WIF1: variants seen among roughly 807,000 people sequenced by gnomAD.
WIF1 encodes Wnt inhibitory factor 1.
Under a neutral mutation model 53.5 loss-of-function variants are expected in WIF1, and 35 were observed. The ratio of observed to expected loss-of-function variants is 0.65; its 90% CI spans 0.50 to 0.87. The LOEUF is 0.87. WIF1 is among the 40% of genes least tolerant of loss of function. The pLI is 0.00. For synonymous variants in WIF1, 171 were observed against 170.4 expected, an observed-to-expected ratio of 1.00 and a Z score of -0.03; for missense variants, 467 against 476.8, an observed-to-expected ratio of 0.98 and a Z score of 0.19.
intron 2 of WIF1, among the ~76,000 whole-genome samples, chr12:65,089,864 CT>C (rs1883097500): frequency 1.3e-5 from 2 of 152,134 alleles, no homozygotes; most frequent in Admixed American, 1.3e-4. Context: ...TCTCTTCCCC[CT>C]GGCCCCTACC....
intron 3 of WIF1, among the ~76,000 whole-genome samples, chr12:65,069,862 A>G (rs1389143866): frequency 1.3e-5 from 2 of 152,188 alleles, no homozygotes; most frequent in African/African-American, 4.8e-5. Context: ...ATGGGTTATT[A>G]TAACATATCC....
chr12:65,119,284 A>G (rs1446165617), intron 2 of WIF1, among the ~76,000 whole-genome samples: 3 of 152,220 alleles, frequency 2.0e-5, no homozygotes, highest in East Asian at 1.9e-4. Flanking sequence ...GGTATTAACA[A>G]TAGATGACTT....
At chr12:65,056,366 C>CTTTTTTTTTTTT (rs10584146) in intron 7 of WIF1, among the ~76,000 whole-genome samples, 1 of 24,264 alleles carries the variant, frequency 4.1e-5, no homozygotes, top group Non-Finnish European at 8.0e-5. Context: ...CATTTATATC[C>CTTTTTTTTTTTT]TTTTTTTTTT....
chr12:65,079,164 C>CAAAAA (rs1226121849), intron 2 of WIF1, among the ~76,000 whole-genome samples: 4,773 of 79,940 alleles, frequency 0.06, 306 homozygotes, highest in East Asian at 0.088. Context: ...GACTCCATCT[C>CAAAAA]AAAAAAAAAA....
chr12:65,071,456 T>C (rs1003810245), intron 3 of WIF1, among the ~76,000 whole-genome samples: 4 of 152,162 alleles, frequency 2.6e-5, no homozygotes, highest in Non-Finnish European at 4.4e-5. Flanking sequence ...TAACTAAAGA[T>C]GTAGTATCTT....
At chr12:65,077,998 C>G in intron 2 of WIF1, 144 bp from the exon 3 acceptor site, 1 of 637,720 alleles carries the variant, frequency 1.6e-6, no homozygotes, top group South Asian at 1.9e-5. Context: ...ACTGGGTAGG[C>G]ACAACTCACC....
At chr12:65,104,871 T>C (rs534735176) in intron 2 of WIF1, among the ~76,000 whole-genome samples, 41 of 152,326 alleles carry the variant, frequency 2.7e-4, no homozygotes, top group African/African-American at 9.6e-4. Context: ...GTAAAGTCTA[T>C]CTGTGACAAT....
chr12:65,105,584 G>A (rs960157683), intron 2 of WIF1, among the ~76,000 whole-genome samples: 8 of 152,204 alleles, frequency 5.3e-5, no homozygotes, highest in Admixed American at 4.6e-4. Flanking sequence ...TGCAGAGTAA[G>A]GGAAATGAAG....
chr12:65,093,318 TA>T (rs745665182), intron 2 of WIF1, among the ~76,000 whole-genome samples: 9 of 152,128 alleles, frequency 5.9e-5, no homozygotes, highest in Non-Finnish European at 1.0e-4. Flanking sequence ...ATGTTAAGAG[TA>T]AAAGAGCGGC....
chr12:65,103,850 A>G (rs1031682413), intron 2 of WIF1, among the ~76,000 whole-genome samples: 5 of 152,156 alleles, frequency 3.3e-5, no homozygotes, highest in Admixed American at 3.3e-4. Flanking sequence ...TGTTTAATGG[A>G]AATAAAAATA....
At chr12:65,056,365 CCTT>C (rs1882526326) in intron 7 of WIF1, among the ~76,000 whole-genome samples, 4 of 41,036 alleles carry the variant, frequency 9.7e-5, no homozygotes, top group African/African-American at 3.0e-4. Flanking sequence ...GCATTTATAT[CCTT>C]TTTTTTTTTT....
At chr12:65,081,353 A>G (rs185899860) in intron 2 of WIF1, among the ~76,000 whole-genome samples, 3 of 152,304 alleles carry the variant, frequency 2.0e-5, no homozygotes, top group African/African-American at 7.2e-5. Flanking sequence ...TGATGTTCAA[A>G]GAATATGGAA....
intron 7 of WIF1, among the ~76,000 whole-genome samples, chr12:65,056,836 C>A (rs1359870780): frequency 6.6e-6 from 1 of 151,314 alleles, no homozygotes; most frequent in African/African-American, 2.4e-5. Flanking sequence ...TTTTAGTAGA[C>A]ACAGGGTTTC....
intron 2 of WIF1, among the ~76,000 whole-genome samples, chr12:65,119,829 G>T (rs1883573639): frequency 6.6e-6 from 1 of 152,158 alleles, no homozygotes; most frequent in Admixed American, 6.5e-5. Context: ...ATAAAAAATA[G>T]ATTCCAGTTT....
intron 7 of WIF1, among the ~76,000 whole-genome samples, chr12:65,058,568 A>G (rs1308423614): frequency 6.6e-6 from 1 of 152,240 alleles, no homozygotes; most frequent in African/African-American, 2.4e-5. Flanking sequence ...GACATTCGAA[A>G]GCTATTACTA....
chr12:65,089,366 A>G (rs1256829543), intron 2 of WIF1, among the ~76,000 whole-genome samples: 1 of 152,122 alleles, frequency 6.6e-6, no homozygotes, highest in Admixed American at 6.6e-5. Flanking sequence ...TATTATGACC[A>G]AAATTCAGAC....
intron 2 of WIF1, among the ~76,000 whole-genome samples, chr12:65,093,458 T>A (rs1883155030): frequency 6.6e-6 from 1 of 152,200 alleles, no homozygotes; most frequent in Admixed American, 6.5e-5. Context: ...TTACTTATAT[T>A]AAGTTATACC....
At chr12:65,062,168 G>T (rs191017766) in intron 7 of WIF1, among the ~76,000 whole-genome samples, 58 of 152,226 alleles carry the variant, frequency 3.8e-4, no homozygotes, top group Non-Finnish European at 6.8e-4. Flanking sequence ...TGAAGCTATG[G>T]GTTCCACATA....
At chr12:65,074,834 A>AAAG (rs1409453362) in intron 3 of WIF1, among the ~76,000 whole-genome samples, 4 of 142,474 alleles carry the variant, frequency 2.8e-5, no homozygotes, top group Admixed American at 1.4e-4. Flanking sequence ...AAAAAAAAAA[A>AAAG]AAAAGAAAAG....
Sources: allele counts gnomAD v4.1 joint callset (sites outside exome capture counted in the v4.1 genomes callset), GRCh38; gene constraint gnomAD v4.1.1; transcripts MANE v1.5; gene names NCBI Gene and HGNC (gene_info 2026-07-23, HGNC 2026-07-21).